PLPP3: variants seen among roughly 807,000 people sequenced by gnomAD.
PLPP3 encodes PAP2 beta.
PLPP3 carries 6 observed loss-of-function variants against 29.6 expected under a neutral mutation model. The observed-to-expected ratio is 0.20, with a 90% CI of 0.11 to 0.40. PLPP3 has a LOEUF of 0.40. Ranked by LOEUF, PLPP3 falls within the 10% of genes least tolerant of loss-of-function variation. The pLI is 1.00. For missense variants in PLPP3, 308 were observed against 407.7 expected, an observed-to-expected ratio of 0.76 and a Z score of 2.11; for synonymous variants, 152 against 159.7, an observed-to-expected ratio of 0.95 and a Z score of 0.36.
At chr1:56,534,360 C>T (rs904641873) in intron 2 of PLPP3, among the ~76,000 whole-genome samples, 4 of 152,160 alleles carry the variant, frequency 2.6e-5, no homozygotes, top group Admixed American at 6.5e-5. Flanking sequence ...TCTGCTTTCT[C>T]CATAACGCGT....
At chr1:56,517,171 T>G (rs1645786713) in intron 4 of PLPP3, among the ~76,000 whole-genome samples, 1 of 152,228 alleles carries the variant, frequency 6.6e-6, no homozygotes, top group Non-Finnish European at 1.5e-5. Flanking sequence ...AAGGCTTTTG[T>G]CCTTCCTTAG....
intron 1 of PLPP3, among the ~76,000 whole-genome samples, chr1:56,566,748 G>T (rs1313122965): frequency 1.3e-5 from 2 of 152,096 alleles, no homozygotes; most frequent in South Asian, 4.1e-4. Flanking sequence ...AATATTTGAG[G>T]TTTAATTTTC....
At chr1:56,507,525 C>A (rs1158663962) in intron 5 of PLPP3, among the ~76,000 whole-genome samples, 1 of 152,038 alleles carries the variant, frequency 6.6e-6, no homozygotes, top group African/African-American at 2.4e-5. Flanking sequence ...GACATATGAG[C>A]AGGCCATGAG....
intron 5 of PLPP3, among the ~76,000 whole-genome samples, chr1:56,507,283 A>G (rs888488573): frequency 2.0e-5 from 3 of 152,218 alleles, no homozygotes; most frequent in African/African-American, 7.2e-5. Flanking sequence ...ATGTCTGTGC[A>G]CAAAGGTCAT....
chr1:56,554,295 G>A (rs746107950), intron 1 of PLPP3, among the ~76,000 whole-genome samples: 2 of 152,080 alleles, frequency 1.3e-5, no homozygotes, highest in Non-Finnish European at 2.9e-5. Flanking sequence ...TGCCATGGCC[G>A]GGCGCGGTGG....
At position 56,552,449 on chromosome 1, in the gene PLPP3, T is replaced by G. The variant is rs186531164; in HGVS notation, c.140-15337A>C. On this transcript the variant is annotated intron_variant, in intron 1 of 5. Coordinates refer to ENST00000371250, the MANE Select transcript of PLPP3 (RefSeq NM_003713.5). ...TAAAAAAATTGATATATAATTTACATAGCATGCAATTTACATATGCATATA... is the reference window on the plus strand; with the variant it reads ...TAAAAAAATTGATATATAATTTACAGAGCATGCAATTTACATATGCATATA... 9.2e-5 allele frequency among the ~76,000 whole-genome samples: 14 copies of G among 152,332 alleles called. No individual in the cohort carries two copies. In the East Asian group the frequency reaches 2.5e-3, roughly 27 times the overall value.
chr1:56,558,600 GC>G (rs1345090528), intron 1 of PLPP3, among the ~76,000 whole-genome samples: 1 of 152,208 alleles, frequency 6.6e-6, no homozygotes, highest in Non-Finnish European at 1.5e-5. Context: ...ATGTCAAAGA[GC>G]CCACTGTCTG....
chr1:56,538,792 C>G, intron 1 of PLPP3: 1 of 159,946 alleles, frequency 6.3e-6, no homozygotes, highest in Non-Finnish European at 1.4e-5. Flanking sequence ...GGAAAATGAT[C>G]AGAAAAAGAA....
At chr1:56,562,933 G>A (rs2100299375) in intron 1 of PLPP3, among the ~76,000 whole-genome samples, 1 of 152,260 alleles carries the variant, frequency 6.6e-6, no homozygotes, top group Admixed American at 6.5e-5. Context: ...GGACTCACAG[G>A]CATGTGCTTA....
At chr1:56,531,417 G>A (rs984159596) in intron 2 of PLPP3, among the ~76,000 whole-genome samples, 2 of 152,266 alleles carry the variant, frequency 1.3e-5, no homozygotes, top group Admixed American at 1.3e-4. Flanking sequence ...TTACACATCA[G>A]CTTATAGGCC....
At chr1:56,521,254 A>AAAG (rs57463837) in intron 4 of PLPP3, among the ~76,000 whole-genome samples, 8 of 133,130 alleles carry the variant, frequency 6.0e-5, no homozygotes, top group East Asian at 2.6e-4. Context: ...AAAAAAAAAA[A>AAAG]AAGAAGAAGA....
chr1:56,498,712 C>T (rs1333007564), intron 5 of PLPP3, among the ~76,000 whole-genome samples: 1 of 151,958 alleles, frequency 6.6e-6, no homozygotes, highest in Non-Finnish European at 1.5e-5. Flanking sequence ...CAGCTCACTG[C>T]AACCCCTGCC....
intron 4 of PLPP3, among the ~76,000 whole-genome samples, chr1:56,516,000 T>C (rs1645777945): frequency 1.3e-5 from 2 of 152,188 alleles, no homozygotes; most frequent in South Asian, 4.1e-4. Flanking sequence ...CCAGGTTACC[T>C]TTCTGCCCTG....
chr1:56,551,294 C>CTTTGGTTTGCTTT (rs1557511338), intron 1 of PLPP3, among the ~76,000 whole-genome samples: 5 of 138,880 alleles, frequency 3.6e-5, no homozygotes, highest in Admixed American at 7.2e-5. Context: ...TGGTTTGGTT[C>CTTTGGTTTGCTTT]GGTTCGGTTC....
At chr1:56,557,010 G>GAAAGAAAGAAAGAAAGAA (rs1235067963) in intron 1 of PLPP3, among the ~76,000 whole-genome samples, 8 of 10,754 alleles carry the variant, frequency 7.4e-4, no homozygotes, top group Admixed American at 1.6e-3. Flanking sequence ...AAGAAAGAAA[G>GAAAGAAAGAAAGAAAGAA]AGAGAGAGAG....
intron 5 of PLPP3, among the ~76,000 whole-genome samples, chr1:56,499,040 C>T (rs563530444): frequency 6.6e-6 from 1 of 152,104 alleles, no homozygotes; most frequent in South Asian, 2.1e-4. Flanking sequence ...TCCCATCTGC[C>T]AAGGGCAAAT....
intron 1 of PLPP3, among the ~76,000 whole-genome samples, chr1:56,570,868 T>C (rs935945921): frequency 6.6e-6 from 1 of 152,240 alleles, no homozygotes; most frequent in African/African-American, 2.4e-5. Context: ...AGCAGTGATC[T>C]TGGTAATAAG....
At chr1:56,547,640 T>C (rs1361317351) in intron 1 of PLPP3, among the ~76,000 whole-genome samples, 1 of 152,156 alleles carries the variant, frequency 6.6e-6, no homozygotes, top group African/African-American at 2.4e-5. Flanking sequence ...TATAGGGCAC[T>C]CCTAGGCAAG....
intron 5 of PLPP3, among the ~76,000 whole-genome samples, chr1:56,508,020 A>G (rs985303336): frequency 6.6e-6 from 1 of 152,214 alleles, no homozygotes; most frequent in East Asian, 1.9e-4. Flanking sequence ...CCTTGATTTT[A>G]GCTCAGTGAG....
Sources: gnomAD v4.1 joint callset for allele counts (sites outside exome capture counted in the v4.1 genomes callset) on GRCh38, gnomAD v4.1.1 for gene constraint, MANE v1.5 for transcripts, NCBI Gene and HGNC (gene_info 2026-07-23, HGNC 2026-07-21) for gene names.